LPP: variants seen among roughly 807,000 people sequenced by gnomAD.
LPP encodes lipoma-preferred partner.
Under a neutral mutation model 60.4 loss-of-function variants are expected in LPP, and 38 were observed. That is an observed-to-expected ratio of 0.63 (90% CI 0.49 to 0.83). LPP has a LOEUF of 0.83. Ranked by LOEUF, LPP falls within the 40% of genes least tolerant of loss-of-function variation. LPP has a pLI of 0.00. For synonymous variants in LPP, 328 were observed against 290.8 expected, an observed-to-expected ratio of 1.13 and a Z score of -1.30; for missense variants, 902 against 783.6, an observed-to-expected ratio of 1.15 and a Z score of -1.80.
intron 3 of LPP, among the ~76,000 whole-genome samples, chr3:188,396,564 A>C (rs1398237860): frequency 6.6e-6 from 1 of 152,190 alleles, no homozygotes; most frequent in Non-Finnish European, 1.5e-5. Flanking sequence ...ATGCTAGATA[A>C]CCGTTAAAGA....
rs534097338 is a variant in LPP at position 188,232,424 on chromosome 3, TG to T, written c.-67+6898del. 1.3e-3 allele frequency among the ~76,000 whole-genome samples: 195 copies of T among 151,818 alleles called. 2 individuals carry two copies. The highest frequency in any genetic ancestry group is 4.5e-3 in the African/African-American group (185 of 41,420). On this transcript the variant is annotated intron_variant, in intron 2 of 11. Transcript: ENST00000617246. The stretch of plus-strand genomic sequence containing the variant: ...CAATGGTACAGCTCACTGCAGCCTC[TG>T]CCTCCAAGGTTCAAGCGATTCTCCT...
intron 8 of LPP, chr3:188,711,881 C>CTTTGAGTTATTTATATTGAA (rs1331718385): frequency 2.6e-5 from 4 of 152,064 alleles, no homozygotes; most frequent in African/African-American, 9.7e-5. Context: ...AATACTTAGC[C>CTTTGAGTTATTTATATTGAA]TTTGAGTAAG....
chr3:188,193,264 A>G (rs974713669), intron 1 of LPP, among the ~76,000 whole-genome samples: 1 of 152,192 alleles, frequency 6.6e-6, no homozygotes, highest in African/African-American at 2.4e-5. Flanking sequence ...CATTACAACA[A>G]GGAAAACAAA....
intron 2 of LPP, among the ~76,000 whole-genome samples, chr3:188,322,663 G>A (rs1757280651): frequency 6.6e-6 from 1 of 152,226 alleles, no homozygotes; most frequent in African/African-American, 2.4e-5. Context: ...TCTTGGAAGA[G>A]TGCCGGACAG....
At chr3:188,724,549 A>G (rs1431096558) in intron 8 of LPP, among the ~76,000 whole-genome samples, 1 of 152,182 alleles carries the variant, frequency 6.6e-6, no homozygotes, top group Non-Finnish European at 1.5e-5. Flanking sequence ...TTGCCCTCCT[A>G]CATGGGTAGT....
intron 5 of LPP, 51 bp from the exon 6 acceptor site, chr3:188,524,614 T>A: frequency 6.4e-7 from 1 of 1,555,636 alleles, no homozygotes; most frequent in Middle Eastern, 1.9e-4. Context: ...GAACTTATAA[T>A]GATATCAAGG....
chr3:188,349,850 A>G (rs1035551445), intron 3 of LPP, among the ~76,000 whole-genome samples: 1 of 152,182 alleles, frequency 6.6e-6, no homozygotes, highest in African/African-American at 2.4e-5. Flanking sequence ...CAAATTTCTT[A>G]CTTGTAAAAC....
intron 11 of LPP, among the ~76,000 whole-genome samples, 158 bp downstream of exon 11, chr3:188,872,921 A>G (rs925097364): frequency 6.6e-6 from 1 of 152,206 alleles, no homozygotes; most frequent in Non-Finnish European, 1.5e-5. Context: ...TATTCCGAGC[A>G]CATGCTGTTG....
intron 2 of LPP, among the ~76,000 whole-genome samples, chr3:188,329,460 A>G (rs1415452628): frequency 6.6e-6 from 1 of 152,154 alleles, no homozygotes; most frequent in Non-Finnish European, 1.5e-5. Flanking sequence ...GAATATTTTC[A>G]TTAAACTTAC....
chr3:188,455,504 T>G (rs978978872), intron 4 of LPP, among the ~76,000 whole-genome samples: 1 of 152,176 alleles, frequency 6.6e-6, no homozygotes, highest in Non-Finnish European at 1.5e-5. Context: ...TTTCCTTGAT[T>G]GGCAAAGTAA....
chr3:188,445,742 A>C (rs900562727), intron 4 of LPP, among the ~76,000 whole-genome samples: 3 of 152,216 alleles, frequency 2.0e-5, no homozygotes, highest in Non-Finnish European at 1.5e-5. Flanking sequence ...AGGAATAAGC[A>C]ATGACCAAAG....
rs1553833840 is a variant in LPP at position 188,757,896 on chromosome 3, T to TTTTTTTG, written c.1241-2211_1241-2210insGTTTTTT. Among the ~76,000 whole-genome samples the TTTTTTTG allele has an allele frequency of 1.8e-3, 167 of 91,740 alleles. 2 individuals are homozygous for TTTTTTTG. The highest frequency in any genetic ancestry group is 5.3e-3 in the African/African-American group (107 of 20,214). 60.2% of individuals were successfully genotyped at this position (91,740 alleles called of 152,430 possible). Reference sequence around the variant, plus strand: ...TGTGGTTTTGTTTTTTTGGTTTTTTTTTTTTTTTTTTTTCAGAATAATTTC... The same window carrying TTTTTTTG: ...TGTGGTTTTGTTTTTTTGGTTTTTTTTTTTTTGTTTTTTTTTTTTTCAGAATAATTTC... On this transcript the variant is annotated intron_variant, in intron 8 of 11. Coordinates refer to ENST00000617246, the MANE Select transcript of LPP (RefSeq NM_001375462.1).
At chr3:188,689,761 T>C (rs2149457300) in intron 7 of LPP, among the ~76,000 whole-genome samples, 1 of 152,328 alleles carries the variant, frequency 6.6e-6, no homozygotes, top group South Asian at 2.1e-4. Context: ...TGGGTATAGT[T>C]GAGACCCACA....
chr3:188,617,219 AATC>A (rs1372639489), intron 7 of LPP, among the ~76,000 whole-genome samples: 1 of 152,184 alleles, frequency 6.6e-6, no homozygotes, highest in Non-Finnish European at 1.5e-5. Flanking sequence ...CGATTTTCAG[AATC>A]ATAAGTCTTA....
At chr3:188,462,587 C>CATAT (rs1799339704) in intron 4 of LPP, among the ~76,000 whole-genome samples, 50 of 43,136 alleles carry the variant, frequency 1.2e-3, no homozygotes, top group Non-Finnish European at 1.6e-3. Context: ...TATATATATG[C>CATAT]ATGTGTGTGT....
At chr3:188,433,203 G>A (rs1370999494) in intron 4 of LPP, among the ~76,000 whole-genome samples, 1 of 152,154 alleles carries the variant, frequency 6.6e-6, no homozygotes, top group Non-Finnish European at 1.5e-5. Flanking sequence ...TTCAACTGGA[G>A]TATTGAACGT....
chr3:188,700,603 T>C (rs1400193429), intron 7 of LPP, among the ~76,000 whole-genome samples: 3 of 152,302 alleles, frequency 2.0e-5, no homozygotes, highest in African/African-American at 7.2e-5. Flanking sequence ...TTAACCTTTG[T>C]GTGTTCTTGA....
chr3:188,786,454 A>G (rs1022694923), intron 9 of LPP, among the ~76,000 whole-genome samples: 11 of 150,826 alleles, frequency 7.3e-5, no homozygotes, highest in Non-Finnish European at 1.3e-4. Context: ...GAGAGACTGC[A>G]TCAATTATAT....
intron 5 of LPP, among the ~76,000 whole-genome samples, chr3:188,503,011 T>A (rs966027792): frequency 1.3e-5 from 2 of 152,022 alleles, no homozygotes; most frequent in Non-Finnish European, 2.9e-5. Context: ...ATAAAACCAT[T>A]TATATTTATT....
Sources: gnomAD v4.1 joint callset for allele counts (sites outside exome capture counted in the v4.1 genomes callset) on GRCh38, gnomAD v4.1.1 for gene constraint, MANE v1.5 for transcripts, NCBI Gene and HGNC (gene_info 2026-07-23, HGNC 2026-07-21) for gene names.